The following LARP1B variants were observed in gnomAD, a reference collection of about 807,000 sequenced individuals.
LARP1B encodes La ribonucleoprotein 1B.
In LARP1B, 76 loss-of-function variants were observed where a neutral mutation model predicts 114.2. The observed-to-expected ratio is 0.67, with a 90% CI of 0.55 to 0.81. The LOEUF is 0.81. Among genes scored for constraint, LARP1B ranks in the 30% least tolerant of loss-of-function variants. The pLI is 0.00. For synonymous variants in LARP1B, 345 were observed against 348.0 expected, an observed-to-expected ratio of 0.99 and a Z score of 0.10; for missense variants, 1,014 against 1,075.8, an observed-to-expected ratio of 0.94 and a Z score of 0.80.
At chr4:128,072,754 G>A (rs1408754058) in intron 1 of LARP1B, among the ~76,000 whole-genome samples, 2 of 151,728 alleles carry the variant, frequency 1.3e-5, no homozygotes, top group South Asian at 2.1e-4. Context: ...ATGGGGTTTC[G>A]TCATTTTGGC....
chr4:128,176,144 TTATATTATATATATAAATATA>T (rs1429312949), intron 12 of LARP1B, among the ~76,000 whole-genome samples: 5 of 138,444 alleles, frequency 3.6e-5, no homozygotes, highest in African/African-American at 1.1e-4. Flanking sequence ...GTATATATAT[TTATATTATATATATAAATATA>T]TATATTATAT....
In LARP1B at chr4:128,129,164, C is replaced by CAAAAAAAAAAA. The variant is rs559312234; in HGVS notation, c.1524+7006_1524+7016dup. The stretch of plus-strand genomic sequence containing the variant: ...TGGGCGACAGAGCGAGACTCTGTCT[C>CAAAAAAAAAAA]AAAAAAAAAAAAAAAAAAAAAAAAA... On this transcript the variant is annotated intron_variant, in intron 11 of 19. Coordinates refer to ENST00000326639, the MANE Select transcript of LARP1B (RefSeq NM_018078.4). Among the ~76,000 whole-genome samples, 30 of 49,140 alleles carry CAAAAAAAAAAA rather than the reference C, an allele frequency of 6.1e-4. 5 individuals are homozygous for CAAAAAAAAAAA. Among genetic ancestry groups the CAAAAAAAAAAA allele is most frequent in the African/African-American group, 2.4e-3 (25 of 10,316 alleles). 32.2% of individuals were successfully genotyped at this position (49,140 alleles called of 152,430 possible).
At chr4:128,153,507 T>G (rs907001128) in intron 11 of LARP1B, among the ~76,000 whole-genome samples, 4 of 152,070 alleles carry the variant, frequency 2.6e-5, no homozygotes, top group Non-Finnish European at 5.9e-5. Context: ...GGTTTCACCA[T>G]TTTGGCCAGG....
chr4:128,212,912 C>CTTTTTTTTT (rs1174891101), downstream of LARP1B, among the ~76,000 whole-genome samples: 26 of 83,760 alleles, frequency 3.1e-4, no homozygotes, highest in Non-Finnish European at 3.9e-4. Context: ...AAATCTCTCT[C>CTTTTTTTTT]TTTTTTTTTT....
At chr4:128,062,222 C>G (rs376376) in intron 1 of LARP1B, 4 of 985,480 alleles carry the variant, frequency 4.1e-6, no homozygotes, top group Non-Finnish European at 4.8e-6. Flanking sequence ...GGAGGCAGGT[C>G]TGTGGTTGCT....
At chr4:128,131,345 G>A (rs867726843) in intron 11 of LARP1B, among the ~76,000 whole-genome samples, 9 of 151,978 alleles carry the variant, frequency 5.9e-5, no homozygotes, top group African/African-American at 2.2e-4. Context: ...GAAAATATTT[G>A]CAAATCAAAG....
intron 15 of LARP1B, among the ~76,000 whole-genome samples, chr4:128,181,208 G>A (rs1748252963): frequency 7.3e-6 from 1 of 136,690 alleles, no homozygotes; most frequent in Non-Finnish European, 1.5e-5. Flanking sequence ...TTTTGAGACT[G>A]AGTCTCACTC....
chr4:128,065,249 A>G (rs1761944131), intron 1 of LARP1B, among the ~76,000 whole-genome samples: 1 of 96,156 alleles, frequency 1.0e-5, no homozygotes, highest in South Asian at 3.7e-4. Context: ...TTCTCCCACA[A>G]TTAATTTCTT....
At chr4:128,111,700 T>C (rs1478760317) in intron 9 of LARP1B, among the ~76,000 whole-genome samples, 1 of 151,870 alleles carries the variant, frequency 6.6e-6, no homozygotes, top group African/African-American at 2.4e-5. Context: ...CTTTTTTTTG[T>C]TTTGTTTTTG....
At chr4:128,102,157 A>G (rs927040603) in intron 8 of LARP1B, among the ~76,000 whole-genome samples, 4 of 152,208 alleles carry the variant, frequency 2.6e-5, no homozygotes, top group African/African-American at 4.8e-5. Flanking sequence ...TTCACTTAAC[A>G]TTCATTATGC....
chr4:128,094,073 A>G (rs1250813882), intron 7 of LARP1B, among the ~76,000 whole-genome samples: 1 of 150,158 alleles, frequency 6.7e-6, no homozygotes, highest in Non-Finnish European at 1.5e-5. Context: ...TAACTTTTTA[A>G]AAATTTTTTT....
intron 10 of LARP1B, among the ~76,000 whole-genome samples, chr4:128,118,363 C>G (rs989906945): frequency 6.6e-5 from 10 of 151,260 alleles, no homozygotes; most frequent in African/African-American, 2.4e-4. Flanking sequence ...TCCCAAGTAG[C>G]TGGGACTACA....
At chr4:128,203,471 T>A (rs1266945351) in intron 17 of LARP1B, among the ~76,000 whole-genome samples, 1 of 151,970 alleles carries the variant, frequency 6.6e-6, no homozygotes, top group Non-Finnish European at 1.5e-5. Context: ...CCTCCTGGGT[T>A]CAAGCAATTC....
rs761810288 is a variant in LARP1B, at chr4:128,098,218, G to A, written c.701G>A (p.Arg234Gln). 1.9e-6 allele frequency: 3 copies of A among 1,612,556 alleles called. No homozygotes were observed. The highest frequency in any genetic ancestry group is 3.3e-5 in the Admixed American group (2 of 60,002). Residue 234 changes from arginine (R) to glutamine (Q), a missense_variant, in exon 8 of 20, where the codon CGA becomes CAA. Coordinates refer to ENST00000326639, the MANE Select transcript of LARP1B (RefSeq NM_018078.4). ...EYYFSVENLE[R>Q]DFFLRGKMDE... ...TACTTCAGTGTAGAAAATTTGGAAC[G>A]AGACTTCTTTCTTCGGGGAAAGATG...
At chr4:128,077,279 T>C (rs1243260763) in intron 3 of LARP1B, among the ~76,000 whole-genome samples, 1 of 151,740 alleles carries the variant, frequency 6.6e-6, no homozygotes, top group East Asian at 1.9e-4. Context: ...CGGTGAATCA[T>C]TTGGGGTTAG....
intron 10 of LARP1B, among the ~76,000 whole-genome samples, chr4:128,117,574 G>A (rs1009026384): frequency 5.3e-5 from 8 of 151,650 alleles, no homozygotes; most frequent in African/African-American, 1.9e-4. Context: ...TTAGTAGACG[G>A]GGTTTCACCA....
chr4:128,213,710 T>C (rs1759280571), downstream of LARP1B, among the ~76,000 whole-genome samples: 1 of 152,216 alleles, frequency 6.6e-6, no homozygotes, highest in African/African-American at 2.4e-5. Context: ...ATGCTAAAAA[T>C]GTTATTCAAA....
chr4:128,062,302 C>T (rs1579562889), intron 1 of LARP1B: 1 of 983,884 alleles, frequency 1.0e-6, no homozygotes. Context: ...GCGGCGGTAG[C>T]GGGCACCAGG....
Position 128,211,240 on chromosome 4 carries a change from A to G in LARP1B, c.*1187A>G, listed in dbSNP as rs1022797265. On this transcript the variant is annotated 3_prime_UTR_variant, in exon 20 of 20. Coordinates refer to ENST00000326639, the MANE Select transcript of LARP1B (RefSeq NM_018078.4). ...ATTTTTTTGTGTGAATGAAGTTTCA[A>G]TTATAAACTTACATTCACTTTATTG... is the stretch of plus-strand genomic sequence containing the variant. 8 of 952,396 alleles carry G rather than the reference A, an allele frequency of 8.4e-6. No individual in the cohort carries two copies. Among genetic ancestry groups the G allele is most frequent in the African/African-American group, 7.1e-5 (4 of 56,618 alleles). 59.0% of individuals were successfully genotyped at this position (952,396 alleles called of 1,614,324 possible). A position where few individuals can be genotyped will look rare whatever the true frequency, so the allele number is the denominator to read the frequency against.
Sources: gnomAD v4.1 joint callset for allele counts (sites outside exome capture counted in the v4.1 genomes callset) on GRCh38, gnomAD v4.1.1 for gene constraint, MANE v1.5 for transcripts, NCBI Gene and HGNC (gene_info 2026-07-23, HGNC 2026-07-21) for gene names.